The following ABHD2 variants were observed in gnomAD, a reference collection of about 807,000 sequenced individuals.
The protein encoded by ABHD2 is monoacylglycerol lipase ABHD2.
Under a neutral mutation model 48.1 loss-of-function variants are expected in ABHD2, and 20 were observed. The observed-to-expected ratio is 0.42, with a 90% CI of 0.29 to 0.60. The LOEUF is 0.60. ABHD2 is among the 20% of genes least tolerant of loss of function. The pLI, the probability that ABHD2 is intolerant of heterozygous loss-of-function variation, is 0.24. For missense variants in ABHD2, 405 were observed against 550.9 expected (o/e 0.74, Z 2.65); for synonymous variants, 209 against 214.2 (o/e 0.98, Z 0.21).
the ABHD2 span, among the ~76,000 whole-genome samples, chr15:89,065,084 A>T: frequency 6.6e-6 from 1 of 152,184 alleles, no homozygotes; most frequent in Non-Finnish European, 1.5e-5. Flanking sequence ...GATAAAAGAA[A>T]AAACATGGGT....
intron 3 of ABHD2, among the ~76,000 whole-genome samples, chr15:89,133,042 A>G (rs1487978759): frequency 6.6e-6 from 1 of 152,094 alleles, no homozygotes; most frequent in Non-Finnish European, 1.5e-5. Flanking sequence ...TTCCTCTTAC[A>G]TTTGTGCTCA....
At chr15:89,141,869 C>T (rs1389069170) in intron 3 of ABHD2, among the ~76,000 whole-genome samples, 6 of 152,198 alleles carry the variant, frequency 3.9e-5, no homozygotes, top group Admixed American at 6.5e-5. Flanking sequence ...TCAAGATAAC[C>T]TTTAAAATGG....
At chr15:89,141,838 T>G (rs929772535) in intron 3 of ABHD2, among the ~76,000 whole-genome samples, 5 of 152,238 alleles carry the variant, frequency 3.3e-5, no homozygotes, top group African/African-American at 1.2e-4. Context: ...GGGTTCTCCG[T>G]GTTGCTGAAA....
upstream of ABHD2, among the ~76,000 whole-genome samples, chr15:89,086,603 C>T (rs1000310868): frequency 1.3e-5 from 2 of 152,118 alleles, no homozygotes; most frequent in African/African-American, 2.4e-5. Flanking sequence ...TTTGTAGAGA[C>T]GGGGTCTCAC....
In ABHD2 at chr15:89,187,000, T is replaced by C. The variant is rs2051221544; in HGVS notation, c.816-1193T>C. ...TGGCTGGAAAATCAGCTGTTCCCAC[T>C]TGGCTCATGTTGTTTGAGATTCAGC... On this transcript the variant is annotated intron_variant, in intron 7 of 10. Transcript: ENST00000352732. The surrounding 1 kb of genome is among the most constrained non-coding windows in gnomAD (Gnocchi z 4.3). Among the ~76,000 whole-genome samples, 2 of 152,206 alleles carry C rather than the reference T, an allele frequency of 1.3e-5. No individual in the cohort carries two copies. Among genetic ancestry groups the C allele is most frequent in the African/African-American group, 4.8e-5 (2 of 41,460 alleles).
chr15:89,086,884 C>T (rs1279006279), upstream of ABHD2, among the ~76,000 whole-genome samples: 4 of 152,082 alleles, frequency 2.6e-5, no homozygotes, highest in African/African-American at 9.7e-5. Context: ...CTGGGTTTTT[C>T]TTTTCCAAGA....
In ABHD2 at chr15:89,120,796, T is replaced by C. The variant is rs921320673; in HGVS notation, c.194+4275T>C. 9 of 152,180 alleles carry C rather than the reference T, an allele frequency of 5.9e-5. No individual in the cohort carries two copies. The highest frequency in any genetic ancestry group is 1.9e-4 in the African/African-American group (8 of 41,448). The allele number at this position is 152,180 out of a possible 1,614,324, so 9.4% of individuals were successfully genotyped here. A position where few individuals can be genotyped will look rare whatever the true frequency, so the allele number is the denominator to read the frequency against. Reference sequence around the variant, plus strand: ...CACCACACTGGCCCTATAGCTCTTTTGGAATTTGTCTAACAGGTTTTTCAG... The same window carrying C: ...CACCACACTGGCCCTATAGCTCTTTCGGAATTTGTCTAACAGGTTTTTCAG... On this transcript the variant is annotated intron_variant, in intron 3 of 10. Coordinates refer to ENST00000352732, the MANE Select transcript of ABHD2 (RefSeq NM_152924.5). The surrounding 1 kb of genome is among the most constrained non-coding windows in gnomAD (Gnocchi z 4.2).
intron 3 of ABHD2, among the ~76,000 whole-genome samples, chr15:89,121,903 A>T (rs2050057349): frequency 6.6e-6 from 1 of 152,170 alleles, no homozygotes; most frequent in South Asian, 2.1e-4. Flanking sequence ...ATCGTAACTC[A>T]CCGTAACCTC....
intron 3 of ABHD2, among the ~76,000 whole-genome samples, chr15:89,132,667 T>C (rs367773275): frequency 1.3e-5 from 2 of 152,354 alleles, no homozygotes; most frequent in South Asian, 2.1e-4. Context: ...CTTTCATAGT[T>C]TTGAAAGCCA....
chr15:89,071,506 C>T, the ABHD2 span, among the ~76,000 whole-genome samples: 2 of 152,164 alleles, frequency 1.3e-5, no homozygotes, highest in African/African-American at 2.4e-5. Context: ...ACAGGAAAAA[C>T]GCAACCACTT....
At chr15:89,052,966 C>T in the ABHD2 span, among the ~76,000 whole-genome samples, 2 of 150,444 alleles carry the variant, frequency 1.3e-5, no homozygotes, top group African/African-American at 2.4e-5. Context: ...ATTTGGTGGG[C>T]AGCTTTTTTT....
At chr15:89,136,402 G>A in intron 3 of ABHD2, 1 of 511,820 alleles carries the variant, frequency 2.0e-6, no homozygotes, top group Non-Finnish European at 3.8e-6. Flanking sequence ...GAAGCATCTG[G>A]ATGTTTGTTC....
In ABHD2 at chr15:89,201,531, C is replaced by T. The variant is rs150412361; in HGVS notation, c.*6108C>T. The stretch of plus-strand genomic sequence containing the variant: ...AAATTGTACCATAAACTTGTGTTTA[C>T]TCTTTTCATTCGGATCATAGTCAAA... On this transcript the variant is annotated 3_prime_UTR_variant, in exon 11 of 11. Coordinates refer to ENST00000352732, the MANE Select transcript of ABHD2 (RefSeq NM_152924.5). 1 of 1,594,630 alleles carries T rather than the reference C, an allele frequency of 6.3e-7. No individual in the cohort carries two copies. Among genetic ancestry groups the T allele is most frequent in the African/African-American group, 1.3e-5 (1 of 74,668 alleles).
intron 7 of ABHD2, among the ~76,000 whole-genome samples, chr15:89,187,630 C>T (rs1202445926): frequency 1.3e-5 from 2 of 152,078 alleles, no homozygotes; most frequent in African/African-American, 4.8e-5. Context: ...AATGCTGGTT[C>T]CACTTGGGGG....
At chr15:89,087,226 T>A (rs1477884396), upstream of ABHD2, 1 of 152,274 alleles carries the variant, frequency 6.6e-6, no homozygotes, top group Non-Finnish European at 1.5e-5. The surrounding 1 kb of genome is among the most constrained non-coding windows in gnomAD (Gnocchi z 5.5). Context: ...TTACGCTCCA[T>A]AAAACTTGAG....
rs2049629037 is a variant in ABHD2, at chr15:89,097,299, G to A, written c.-107+8736G>A. On this transcript the variant is annotated intron_variant, in intron 1 of 10. Transcript: ENST00000352732. The surrounding 1 kb of genome is among the most constrained non-coding windows in gnomAD (Gnocchi z 4.2). Reference sequence around the variant, plus strand: ...AATAGATCCCAAACATCATATAGTTGCATCTGTAAATATTTCCATGATAAT... The same window carrying A: ...AATAGATCCCAAACATCATATAGTTACATCTGTAAATATTTCCATGATAAT... Among the ~76,000 whole-genome samples, 2 of 152,070 alleles carry A rather than the reference G, an allele frequency of 1.3e-5. No individual in the cohort carries two copies. Among genetic ancestry groups the A allele is most frequent in the African/African-American group, 4.8e-5 (2 of 41,384 alleles).
the ABHD2 span, among the ~76,000 whole-genome samples, chr15:89,044,270 A>G: frequency 1.3e-5 from 2 of 152,198 alleles, no homozygotes; most frequent in African/African-American, 2.4e-5. Context: ...TCCATGGTGT[A>G]TATGTGCCAC....
chr15:89,116,848 G>C lies in ABHD2; in HGVS notation c.194+327G>C, dbSNP rs1387612906. Among the ~76,000 whole-genome samples, 1 of 152,196 alleles carries C rather than the reference G, an allele frequency of 6.6e-6. No homozygotes were observed. The highest frequency in any genetic ancestry group is 2.4e-5 in the African/African-American group (1 of 41,442). ...CTAGTCCTTTAACGAATGCTTTGTT[G>C]CCAGTTCTAGGATGGAGAAACTATC... On this transcript the variant is annotated intron_variant, in intron 3 of 10. Transcript: ENST00000352732. The surrounding 1 kb of genome is among the most constrained non-coding windows in gnomAD (Gnocchi z 4.6).
the ABHD2 span, among the ~76,000 whole-genome samples, chr15:89,065,296 A>T: frequency 6.6e-6 from 1 of 152,162 alleles, no homozygotes. Flanking sequence ...TGGCAAACTC[A>T]TTTAGAATCA....
Sources: gnomAD v4.1 joint callset for allele counts (sites outside exome capture counted in the v4.1 genomes callset) on GRCh38, gnomAD v4.1.1 for gene constraint, Gnocchi (gnomAD v3.1) non-coding constraint, MANE v1.5 for transcripts, NCBI Gene and HGNC (gene_info 2026-07-23, HGNC 2026-07-21) for gene names.